The following VCL variants were observed in gnomAD, a reference collection of about 807,000 sequenced individuals.
The protein encoded by VCL is epididymis luminal protein 114.
In VCL, 47 loss-of-function variants were observed where a neutral mutation model predicts 125.7. That is an observed-to-expected ratio of 0.37 (90% CI 0.30 to 0.48). The LOEUF is 0.48. VCL is among the 20% of genes least tolerant of loss of function. The probability of loss-of-function intolerance (pLI) is 0.99; values close to 1 mark genes in which losing one functional copy is unlikely to be tolerated. For missense variants in VCL, 1,069 were observed against 1,455.5 expected, an observed-to-expected ratio of 0.73 and a Z score of 4.32; for synonymous variants, 458 against 514.6, an observed-to-expected ratio of 0.89 and a Z score of 1.49.
At position 74,108,081 on chromosome 10, in the gene VCL, T is replaced by C. The variant is rs1840165208; in HGVS notation, c.2559+727T>C. ...ATGTCAGTAAAAGATGTTAAGTTTTTAAGTTGGTTGAGTACAAAATTGTGT... is the reference window on the plus strand; with the variant it reads ...ATGTCAGTAAAAGATGTTAAGTTTTCAAGTTGGTTGAGTACAAAATTGTGT... On this transcript the variant is annotated intron_variant, in intron 17 of 21. Coordinates refer to ENST00000211998, the MANE Select transcript of VCL (RefSeq NM_014000.3). Among the ~76,000 whole-genome samples the C allele has an allele frequency of 2.0e-5, 3 of 152,232 alleles. No homozygotes were observed. The South Asian group carries it at 6.2e-4, about 31-fold the overall frequency.
At chr10:74,018,177 GAT>G (rs72407698) in intron 1 of VCL, among the ~76,000 whole-genome samples, 2,838 of 81,812 alleles carry the variant, frequency 0.035, 167 homozygotes, top group East Asian at 0.069. Flanking sequence ...ATATATATAG[GAT>G]ATATATATAT....
intron 6 of VCL, among the ~76,000 whole-genome samples, chr10:74,079,563 T>C (rs1176378385): frequency 1.3e-5 from 2 of 152,346 alleles, no homozygotes; most frequent in African/African-American, 4.8e-5. Context: ...TCACCCTTTA[T>C]AAATATATCC....
At chr10:74,120,913 A>ACAT (rs1394127486), downstream of VCL, 2 of 152,200 alleles carry the variant, frequency 1.3e-5, no homozygotes, top group Non-Finnish European at 2.9e-5. Context: ...GCTTTTGGGG[A>ACAT]CATAGTCCTC....
At chr10:74,042,841 T>C (rs1441503846) in intron 1 of VCL, among the ~76,000 whole-genome samples, 2 of 152,182 alleles carry the variant, frequency 1.3e-5, no homozygotes, top group Non-Finnish European at 2.9e-5. Context: ...GCTTTCAAAT[T>C]AGTTATTCTG....
intron 16 of VCL, among the ~76,000 whole-genome samples, chr10:74,106,242 T>C (rs1261732807): frequency 6.6e-6 from 1 of 152,174 alleles, no homozygotes; most frequent in East Asian, 1.9e-4. Flanking sequence ...GCTAAATAGC[T>C]CCTCGCCTTG....
At chr10:74,107,014 A>G (rs1330864342) in intron 16 of VCL, among the ~76,000 whole-genome samples, 1 of 152,214 alleles carries the variant, frequency 6.6e-6, no homozygotes, top group Non-Finnish European at 1.5e-5. Context: ...GGCACCCTGA[A>G]CACTAAAAGA....
intron 1 of VCL, among the ~76,000 whole-genome samples, chr10:74,037,224 T>C (rs1391508986): frequency 2.0e-5 from 3 of 152,204 alleles, no homozygotes; most frequent in African/African-American, 4.8e-5. Context: ...CGGCTGACTG[T>C]TCTACTCTAT....
rs766236151 is a variant in VCL at position 74,118,171 on chromosome 10, CACCTGGCTGA to C, written c.*3_*12del. On this transcript the variant is annotated 3_prime_UTR_variant, in exon 22 of 22. Coordinates refer to ENST00000211998, the MANE Select transcript of VCL (RefSeq NM_014000.3). The stretch of plus-strand genomic sequence containing the variant: ...AGAAAGACTCCCTGGTACCAGTAGG[CACCTGGCTGA>C]GCCTGGCTGGCACAGAAACCTCTAC... The C allele has an allele frequency of 6.2e-7, 1 of 1,614,060 alleles. No individual in the cohort carries two copies. Among genetic ancestry groups the C allele is most frequent in the African/African-American group, 1.3e-5 (1 of 74,986 alleles).
At chr10:74,087,551 G>A (rs1169308498) in intron 8 of VCL, among the ~76,000 whole-genome samples, 2 of 141,746 alleles carry the variant, frequency 1.4e-5, no homozygotes, top group Middle Eastern at 3.9e-3. Context: ...TAGTAGAGAC[G>A]GGGTTTCAGC....
chr10:74,121,262 C>T (rs746498728), downstream of VCL: 2 of 152,160 alleles, frequency 1.3e-5, no homozygotes, highest in African/African-American at 2.4e-5. Context: ...TCAGTTGCCT[C>T]TCAGGACAAG....
At chr10:74,085,874 T>A (rs1839761916) in intron 8 of VCL, among the ~76,000 whole-genome samples, 1 of 152,160 alleles carries the variant, frequency 6.6e-6, no homozygotes, top group African/African-American at 2.4e-5. Flanking sequence ...TTATTTTATT[T>A]TATTTTTTTG....
At chr10:74,047,924 T>C (rs1841219846) in intron 2 of VCL, among the ~76,000 whole-genome samples, 1 of 152,230 alleles carries the variant, frequency 6.6e-6, no homozygotes, top group Non-Finnish European at 1.5e-5. Context: ...TAGAACAAGA[T>C]TTGCATGGTC....
At chr10:74,029,788 T>C (rs1840840780) in intron 1 of VCL, among the ~76,000 whole-genome samples, 1 of 152,204 alleles carries the variant, frequency 6.6e-6, no homozygotes, top group Admixed American at 6.5e-5. Flanking sequence ...TTATGAAGAA[T>C]ATTGTTGATG....
rs566019400 is a variant in VCL at position 74,108,162 on chromosome 10, C to G, written c.2559+808C>G. Reference sequence around the variant, plus strand: ...CCCAGCCTTCAACGCATCTTAGATTCTTCCCAGCTGGGTGCTTGGTGGGTG... The same window carrying G: ...CCCAGCCTTCAACGCATCTTAGATTGTTCCCAGCTGGGTGCTTGGTGGGTG... On this transcript the variant is annotated intron_variant, in intron 17 of 21. Coordinates refer to ENST00000211998, the MANE Select transcript of VCL (RefSeq NM_014000.3). Among the ~76,000 whole-genome samples the G allele has an allele frequency of 3.9e-5, 6 of 152,346 alleles. No homozygotes were observed. In the South Asian group the frequency reaches 8.3e-4, roughly 21 times the overall value.
At position 74,114,084 on chromosome 10, in the gene VCL, T is replaced by C. The variant is rs1007779543; in HGVS notation, c.2950-100T>C. The C allele has an allele frequency of 3.5e-6, 5 of 1,415,754 alleles. No homozygotes were observed. In the Admixed American group the frequency reaches 9.1e-5, roughly 26 times the overall value. 87.7% of individuals were successfully genotyped at this position (1,415,754 alleles called of 1,614,324 possible). Reference sequence around the variant, plus strand: ...TCTTCTCACCCTTCCGGAGGGATGCTAAGGTGGCAAGCTCCCTCCTCTTCT... The same window carrying C: ...TCTTCTCACCCTTCCGGAGGGATGCCAAGGTGGCAAGCTCCCTCCTCTTCT... On this transcript the variant is annotated intron_variant, in intron 19 of 21. Coordinates refer to ENST00000211998, the MANE Select transcript of VCL (RefSeq NM_014000.3).
intron 1 of VCL, among the ~76,000 whole-genome samples, chr10:74,042,702 A>G (rs1056820790): frequency 3.3e-5 from 5 of 152,232 alleles, no homozygotes; most frequent in Admixed American, 6.5e-5. Flanking sequence ...TTTTCTGTAT[A>G]GATAGTTTTG....
intron 20 of VCL, 147 bp from the exon 21 acceptor site, chr10:74,114,648 G>GA: frequency 1.0e-6 from 1 of 969,850 alleles, no homozygotes; most frequent in Non-Finnish European, 1.6e-6. Context: ...GACCCTAGGG[G>GA]AAAAAACAAG....
Position 74,095,743 on chromosome 10 carries a change from A to G in VCL, c.1631A>G (p.Lys544Arg), listed in dbSNP as rs2131916321. ...CCTTATCGGCAAGATCTTCTCGCCAAGTGTGACCGAGTGGACCAGCTGACA... is the reference window on the plus strand; with the variant it reads ...CCTTATCGGCAAGATCTTCTCGCCAGGTGTGACCGAGTGGACCAGCTGACA... The part of the protein sequence containing the change: ...MGPYRQDLLA[K>R]CDRVDQLTAQ... The change falls in exon 12 of 22, where the codon AAG (lysine) becomes AGG (arginine). Residue 544 changes from lysine to arginine, a missense_variant. Around this residue, in one of 6 missense-constraint regions of VCL, gnomAD observed 760 missense variants for 928.9 expected, o/e 0.82. Coordinates refer to ENST00000211998, the MANE Select transcript of VCL (RefSeq NM_014000.3). 1 of 1,614,228 alleles carries G rather than the reference A, an allele frequency of 6.2e-7. No individual in the cohort carries two copies. The highest frequency in any genetic ancestry group is 2.2e-5 in the East Asian group (1 of 44,888).
intron 1 of VCL, among the ~76,000 whole-genome samples, chr10:74,028,895 T>C (rs1434369064): frequency 6.6e-6 from 1 of 152,160 alleles, no homozygotes; most frequent in Non-Finnish European, 1.5e-5. Flanking sequence ...AACTTTAGGC[T>C]GGGCACAGTG....
Sources: allele counts gnomAD v4.1 joint callset (sites outside exome capture counted in the v4.1 genomes callset), GRCh38; gene constraint gnomAD v4.1.1; regional missense constraint gnomAD v4.1.1; transcripts MANE v1.5; gene names NCBI Gene and HGNC (gene_info 2026-07-23, HGNC 2026-07-21).